The following SCARA5 variants were observed in gnomAD, a reference collection of about 807,000 sequenced individuals.
SCARA5 encodes the protein scavenger receptor class A member 5, also known as scavenger receptor class A, member 5 (putative).
A neutral mutation model predicts 46.3 loss-of-function variants in SCARA5; 45 were observed. That is an observed-to-expected ratio of 0.97 (90% confidence interval 0.76 to 1.24). SCARA5 has a LOEUF of 1.24. Among genes scored for constraint, SCARA5 ranks in the 50% most tolerant of loss-of-function variants. SCARA5 has a pLI of 0.00. For missense variants in SCARA5, 680 were observed against 689.0 expected, an observed-to-expected ratio of 0.99 and a Z score of 0.15; for synonymous variants, 333 against 306.5, an observed-to-expected ratio of 1.09 and a Z score of -0.90.
intron 7 of SCARA5, 73 bp downstream of exon 7, chr8:27,904,705 T>A (rs1469862278): frequency 4.3e-6 from 6 of 1,383,632 alleles, no homozygotes; most frequent in Admixed American, 1.7e-5. Context: ...ACCTCCAAAC[T>A]TATGGGGCTG....
chr8:27,912,169 T>C (rs1029722402), intron 4 of SCARA5, among the ~76,000 whole-genome samples: 12 of 152,058 alleles, frequency 7.9e-5, no homozygotes, highest in Admixed American at 7.9e-4. Context: ...CCCCAGGAAA[T>C]CGAAACACAC....
intron 3 of SCARA5, among the ~76,000 whole-genome samples, chr8:27,961,248 C>T (rs1585515312): frequency 6.6e-6 from 1 of 152,118 alleles, no homozygotes; most frequent in African/African-American, 2.4e-5. Context: ...GGGTGGATAC[C>T]CTCATGAATG....
intron 8 of SCARA5, among the ~76,000 whole-genome samples, chr8:27,873,110 G>A (rs78958405): frequency 0.013 from 1,955 of 152,258 alleles, 81 homozygotes; most frequent in East Asian, 0.11. Flanking sequence ...TACTCAAGGT[G>A]TGCAGTTTGA....
chr8:27,987,850 A>G (rs776652157), intron 1 of SCARA5, among the ~76,000 whole-genome samples: 4 of 152,186 alleles, frequency 2.6e-5, no homozygotes, highest in Non-Finnish European at 5.9e-5. Flanking sequence ...TCAGGGCTTC[A>G]GAAGACCAAG....
chr8:27,927,114 C>G (rs1391977967), intron 3 of SCARA5, among the ~76,000 whole-genome samples: 1 of 152,214 alleles, frequency 6.6e-6, no homozygotes, highest in East Asian at 1.9e-4. Context: ...GGACAATTTT[C>G]TTCCTTACCT....
chr8:27,930,045 C>T (rs192213230), intron 3 of SCARA5, among the ~76,000 whole-genome samples: 178 of 152,276 alleles, frequency 1.2e-3, no homozygotes, highest in African/African-American at 3.2e-3. Context: ...TGGTCCCCCC[C>T]AGTCCTGCAG....
At chr8:27,884,742 G>C (rs549709003) in intron 7 of SCARA5, among the ~76,000 whole-genome samples, 5 of 152,200 alleles carry the variant, frequency 3.3e-5, no homozygotes, top group Non-Finnish European at 5.9e-5. Context: ...AAGTGACTGA[G>C]AGTCTATCAG....
chr8:27,892,441 C>T (rs1056220215), intron 7 of SCARA5, among the ~76,000 whole-genome samples: 3 of 152,110 alleles, frequency 2.0e-5, no homozygotes, highest in Non-Finnish European at 4.4e-5. Context: ...AGCTACTTGC[C>T]TCTGTGGGTC....
chr8:27,963,815 A>T (rs1285003534), intron 3 of SCARA5, among the ~76,000 whole-genome samples: 1 of 152,152 alleles, frequency 6.6e-6, no homozygotes, highest in Non-Finnish European at 1.5e-5. Flanking sequence ...GCACACCGAG[A>T]TGTTGCTAAT....
intron 7 of SCARA5, among the ~76,000 whole-genome samples, chr8:27,892,980 C>T (rs933559168): frequency 3.3e-5 from 5 of 152,050 alleles, no homozygotes; most frequent in Non-Finnish European, 5.9e-5. Flanking sequence ...TGGCACCTAA[C>T]GTGAGGTCTC....
intron 2 of SCARA5, among the ~76,000 whole-genome samples, chr8:27,984,004 C>G (rs913162331): frequency 2.6e-5 from 4 of 152,148 alleles, no homozygotes; most frequent in African/African-American, 9.7e-5. Flanking sequence ...CACACTTCAC[C>G]GTCTTCATTT....
At chr8:27,987,030 AC>A (rs1808715283) in intron 2 of SCARA5, among the ~76,000 whole-genome samples, 1 of 152,100 alleles carries the variant, frequency 6.6e-6, no homozygotes, top group South Asian at 2.1e-4. Flanking sequence ...TGGCCTGGGG[AC>A]CCCTTTCTGT....
intron 2 of SCARA5, among the ~76,000 whole-genome samples, chr8:27,966,991 T>C (rs1808379648): frequency 6.6e-6 from 1 of 152,176 alleles, no homozygotes; most frequent in Non-Finnish European, 1.5e-5. Flanking sequence ...AGTGGGACTG[T>C]GGGGAGGCCA....
chr8:27,971,305 G>A (rs1458792725), intron 2 of SCARA5, among the ~76,000 whole-genome samples: 1 of 152,256 alleles, frequency 6.6e-6, no homozygotes, highest in Non-Finnish European at 1.5e-5. Context: ...CACAGAGTCT[G>A]CATGGAGGAG....
At chr8:27,907,049 G>A (rs1351522581) in intron 6 of SCARA5, 99 bp downstream of exon 6, 17 of 779,616 alleles carry the variant, frequency 2.2e-5, no homozygotes, top group Admixed American at 1.2e-4. Flanking sequence ...CCGCTGGTCC[G>A]TGGCACAGTG....
chr8:27,983,965 G>A (rs1388512543), intron 2 of SCARA5, among the ~76,000 whole-genome samples: 2 of 152,156 alleles, frequency 1.3e-5, no homozygotes, highest in African/African-American at 4.8e-5. Context: ...AGGAAGACCT[G>A]TAAGGGACTT....
intron 3 of SCARA5, among the ~76,000 whole-genome samples, chr8:27,952,530 TC>T (rs141111726): frequency 0.017 from 2,519 of 152,220 alleles, 41 homozygotes; most frequent in Non-Finnish European, 0.028. Context: ...CAGAGCTACT[TC>T]CCTTAGCCCT....
At chr8:27,912,265 A>G (rs190947201) in intron 4 of SCARA5, among the ~76,000 whole-genome samples, 1 of 152,254 alleles carries the variant, frequency 6.6e-6, no homozygotes, top group African/African-American at 2.4e-5. Context: ...TTAATAATAC[A>G]TACAAAACAA....
At position 27,985,823 on chromosome 8, in the gene SCARA5, G is replaced by C. The variant is rs1174352163; in HGVS notation, c.112+1681C>G. Reference sequence around the variant, plus strand: ...ACATGGCTAGCATGGCTCCCAAAGTGCCCTCTGACAGAGCTCCCCACAGAG... The same window carrying C: ...ACATGGCTAGCATGGCTCCCAAAGTCCCCTCTGACAGAGCTCCCCACAGAG... On this transcript the variant is annotated intron_variant, in intron 2 of 8. Coordinates refer to ENST00000354914, the MANE Select transcript of SCARA5 (RefSeq NM_173833.6). Among the ~76,000 whole-genome samples the C allele has an allele frequency of 2.0e-5, 3 of 152,210 alleles. No individual in the cohort carries two copies. In the East Asian group the frequency reaches 5.8e-4, roughly 29 times the overall value.
Sources: allele counts gnomAD v4.1 joint callset (sites outside exome capture counted in the v4.1 genomes callset), GRCh38; gene constraint gnomAD v4.1.1; transcripts MANE v1.5; gene names NCBI Gene and HGNC (gene_info 2026-07-23, HGNC 2026-07-21).